ANKRD33B: variants seen among roughly 807,000 people sequenced by gnomAD.
The protein encoded by ANKRD33B is ankyrin repeat domain-containing protein 33B.
In ANKRD33B, 6 loss-of-function variants were observed where a neutral mutation model predicts 21.5. The observed-to-expected ratio is 0.28, with a 90% confidence interval of 0.15 to 0.55. The LOEUF is 0.55. ANKRD33B is among the 20% of genes least tolerant of loss of function. ANKRD33B has a pLI of 0.94. For synonymous variants in ANKRD33B, 347 were observed against 342.4 expected (o/e 1.01, Z -0.15); for missense variants, 698 against 747.2 (o/e 0.93, Z 0.77).
At chr5:10,603,160 A>G (rs1453948963) in intron 1 of ANKRD33B, among the ~76,000 whole-genome samples, 1 of 151,928 alleles carries the variant, frequency 6.6e-6, no homozygotes, top group African/African-American at 2.4e-5. Flanking sequence ...AAAGGATGGG[A>G]GGCAGCTTTC....
At chr5:10,605,331 C>T (rs1472693359) in intron 1 of ANKRD33B, among the ~76,000 whole-genome samples, 2 of 152,098 alleles carry the variant, frequency 1.3e-5, no homozygotes, top group Non-Finnish European at 2.9e-5. Flanking sequence ...CAGGAGGAAA[C>T]GAAGATCATT....
Position 10,593,476 on chromosome 5 carries a change from G to C in ANKRD33B, c.367-24857G>C, listed in dbSNP as rs150216787. Among the ~76,000 whole-genome samples the C allele has an allele frequency of 2.0e-4, 31 of 152,176 alleles. No homozygotes were observed. In the East Asian group the frequency reaches 5.6e-3, roughly 27 times the overall value. ...GGGGTCATCTACACATTTGTTGTAT[G>C]ACATTTACTTTTTAGTGCCTTAACT... On this transcript the variant is annotated intron_variant, in intron 1 of 3. Transcript: ENST00000296657.
chr5:10,616,519 G>A (rs967237429), intron 1 of ANKRD33B, among the ~76,000 whole-genome samples: 6 of 136,816 alleles, frequency 4.4e-5, no homozygotes, highest in African/African-American at 1.4e-4. Flanking sequence ...AGCTGAAATC[G>A]CACCATTGCA....
At chr5:10,635,934 A>C (rs1247285715) in intron 2 of ANKRD33B, among the ~76,000 whole-genome samples, 1 of 152,220 alleles carries the variant, frequency 6.6e-6, no homozygotes, top group African/African-American at 2.4e-5. Context: ...CGCAGCGGGG[A>C]ATCCTGGAGG....
At chr5:10,612,235 G>A (rs191255330) in intron 1 of ANKRD33B, among the ~76,000 whole-genome samples, 1 of 152,192 alleles carries the variant, frequency 6.6e-6, no homozygotes, top group African/African-American at 2.4e-5. Flanking sequence ...ACAGTAAACT[G>A]GGTGGCTTAT....
chr5:10,654,927 T>C lies in ANKRD33B; in HGVS notation c.*4814T>C, dbSNP rs1469078272. 2 of 152,480 alleles carry C rather than the reference T, an allele frequency of 1.3e-5. No individual in the cohort carries two copies. Among genetic ancestry groups the C allele is most frequent in the African/African-American group, 4.8e-5 (2 of 41,462 alleles). 9.4% of individuals were successfully genotyped at this position (152,480 alleles called of 1,614,324 possible). A position where few individuals can be genotyped will look rare whatever the true frequency, so the allele number is the denominator to read the frequency against. ...CTGGAATTACTCGATGTGCAGAGGC[T>C]GCCCCTTGGCCGCACTTGGGAACAT... On this transcript the variant is annotated 3_prime_UTR_variant, in exon 4 of 4. Coordinates refer to ENST00000296657, the MANE Select transcript of ANKRD33B (RefSeq NM_001164440.2).
chr5:10,589,254 C>T (rs1192997906), intron 1 of ANKRD33B, among the ~76,000 whole-genome samples: 1 of 151,192 alleles, frequency 6.6e-6, no homozygotes, highest in African/African-American at 2.5e-5. Context: ...GTCGAAGGAG[C>T]AGGTCCTGGA....
intron 2 of ANKRD33B, among the ~76,000 whole-genome samples, chr5:10,622,821 T>TC: frequency 6.9e-6 from 1 of 143,964 alleles, no homozygotes; most frequent in African/African-American, 2.6e-5. Flanking sequence ...TTTTTTTTTT[T>TC]CTGGCTTGCT....
intron 3 of ANKRD33B, among the ~76,000 whole-genome samples, chr5:10,645,085 A>C (rs1459655045): frequency 6.6e-6 from 1 of 152,154 alleles, no homozygotes. Context: ...CCCACCTGCT[A>C]TGTGGTGGGG....
intron 2 of ANKRD33B, among the ~76,000 whole-genome samples, chr5:10,633,993 G>A (rs530119656): frequency 2.0e-5 from 3 of 152,324 alleles, no homozygotes; most frequent in Non-Finnish European, 2.9e-5. Flanking sequence ...GGGGGAACAC[G>A]TTCTAGCCCC....
chr5:10,628,641 C>T (rs2126591529), intron 2 of ANKRD33B, among the ~76,000 whole-genome samples: 1 of 152,314 alleles, frequency 6.6e-6, no homozygotes, highest in South Asian at 2.1e-4. Flanking sequence ...CTTGCCCACC[C>T]TGATACTTTC....
In ANKRD33B at chr5:10,564,675, G is replaced by A. The variant is rs1490993176; in HGVS notation, c.208G>A (p.Glu70Lys). 1 of 1,534,578 alleles carries A rather than the reference G, an allele frequency of 6.5e-7. No homozygotes were observed. The highest frequency in any genetic ancestry group is 2.0e-5 in the Admixed American group (1 of 50,994). ...PFEDEEEHGV[E>K]SAESVPEGVP... ...CGAGGACGAGGAGGAGCACGGCGTC[G>A]AGAGCGCGGAGAGCGTCCCGGAGGG... The change falls in exon 1 of 4, where the codon GAG (glutamate) becomes AAG (lysine). Residue 70 changes from glutamate (E) to lysine (K), a missense_variant. Glu to Lys is a moderately conservative substitution (Grantham distance 56, BLOSUM62 1). Transcript: ENST00000296657.
chr5:10,597,716 A>G (rs992288332), intron 1 of ANKRD33B, among the ~76,000 whole-genome samples: 3 of 152,212 alleles, frequency 2.0e-5, no homozygotes, highest in Non-Finnish European at 2.9e-5. Context: ...TCTCCACCCT[A>G]AAACAACAGA....
rs1213498348 is a variant in ANKRD33B at position 10,654,298 on chromosome 5, A to G, written c.*4185A>G. The G allele has an allele frequency of 6.6e-6, 1 of 152,320 alleles. No homozygotes were observed. The highest frequency in any genetic ancestry group is 2.4e-5 in the African/African-American group (1 of 41,442). The allele number at this position is 152,320 out of a possible 1,614,324, so 9.4% of individuals were successfully genotyped here. On this transcript the variant is annotated 3_prime_UTR_variant, in exon 4 of 4. Transcript: ENST00000296657. The stretch of plus-strand genomic sequence containing the variant: ...GACCTGGTTTGCTCTCCTCCATGAC[A>G]GCCCAGCCCCTGCTGTGCACAGGGG...
chr5:10,639,290 GTGACGCGGA>G (rs1736963822), intron 3 of ANKRD33B, among the ~76,000 whole-genome samples: 1 of 3,786 alleles, frequency 2.6e-4, no homozygotes, highest in Non-Finnish European at 4.7e-4. Context: ...ATGTTAGCGG[GTGACGCGGA>G]GTTGCGCGGC....
chr5:10,586,731 TG>T (rs2126557148), intron 1 of ANKRD33B, among the ~76,000 whole-genome samples: 1 of 152,320 alleles, frequency 6.6e-6, no homozygotes, highest in Admixed American at 6.5e-5. Context: ...AGTGCAAACA[TG>T]GCCTTTTCCA....
At position 10,619,299 on chromosome 5, in the gene ANKRD33B, G is replaced by A. The variant is rs1265484223; in HGVS notation, c.496+837G>A. 8.1e-6 allele frequency: 8 copies of A among 985,312 alleles called. No homozygotes were observed. The East Asian group carries it at 4.5e-4, about 56-fold the overall frequency. The allele number at this position is 985,312 out of a possible 1,614,324, so 61.0% of individuals were successfully genotyped here. A position where few individuals can be genotyped will look rare whatever the true frequency, so the allele number is the denominator to read the frequency against. On this transcript the variant is annotated intron_variant, in intron 2 of 3. Transcript: ENST00000296657. The surrounding 1 kb of genome is among the most constrained non-coding windows in gnomAD (Gnocchi z 4.5). ...AGGCGCTTGTGTGTTGAAGGAAGGA[G>A]GGGAAGCTTACACGGTTGTCGGGTT...
At chr5:10,587,928 T>C (rs1735603306) in intron 1 of ANKRD33B, among the ~76,000 whole-genome samples, 1 of 152,212 alleles carries the variant, frequency 6.6e-6, no homozygotes. Context: ...ATACGTCTCT[T>C]ATTGGCTCTC....
At chr5:10,577,213 T>G (rs1735343068) in intron 1 of ANKRD33B, among the ~76,000 whole-genome samples, 1 of 151,268 alleles carries the variant, frequency 6.6e-6, no homozygotes, top group Non-Finnish European at 1.5e-5. Context: ...CACTGCAACC[T>G]TTGCCTCCCG....
Sources: gnomAD v4.1 joint callset for allele counts (sites outside exome capture counted in the v4.1 genomes callset) on GRCh38, gnomAD v4.1.1 for gene constraint, Gnocchi (gnomAD v3.1) non-coding constraint, MANE v1.5 for transcripts, NCBI Gene and HGNC (gene_info 2026-07-23, HGNC 2026-07-21) for gene names.